Variants in SCFD1 observed in about 807,000 individuals in gnomAD.
SCFD1 encodes sec1 family domain containing 1, also known as sec1 family domain-containing protein 1.
In SCFD1, 37 loss-of-function variants were observed where a neutral mutation model predicts 103.2. That is an observed-to-expected ratio of 0.36 (90% CI 0.28 to 0.47). The LOEUF (loss-of-function observed/expected upper bound fraction) is 0.47. Ranked by LOEUF, SCFD1 falls within the 20% of genes least tolerant of loss-of-function variation. The pLI, the probability that SCFD1 is intolerant of heterozygous loss-of-function variation, is 1.00. For missense variants in SCFD1, 639 were observed against 761.2 expected, an observed-to-expected ratio of 0.84 and a Z score of 1.89; for synonymous variants, 264 against 245.0, an observed-to-expected ratio of 1.08 and a Z score of -0.73.
At chr14:30,722,468 T>G (rs199574724) in intron 22 of SCFD1, 26 bp from the exon 23 acceptor site, 28 of 1,549,584 alleles carry the variant, frequency 1.8e-5, no homozygotes, top group Non-Finnish European at 2.2e-5. Context: ...CTGTGTTTTT[T>G]TTTTTTTAAT....
At chr14:30,634,793 A>G (rs1258078979) in intron 4 of SCFD1, 4 of 455,852 alleles carry the variant, frequency 8.8e-6, no homozygotes, top group Non-Finnish European at 1.3e-5. Flanking sequence ...CTGCGCCTGT[A>G]GGCATCAAAT....
intron 10 of SCFD1, among the ~76,000 whole-genome samples, chr14:30,656,960 A>G (rs1040870450): frequency 2.0e-5 from 3 of 152,128 alleles, no homozygotes; most frequent in Admixed American, 6.5e-5. Flanking sequence ...AGAGTTGTAC[A>G]GGGATTAATG....
At chr14:30,672,031 A>T (rs77711476) in intron 11 of SCFD1, among the ~76,000 whole-genome samples, 2 of 149,234 alleles carry the variant, frequency 1.3e-5, no homozygotes, top group Admixed American at 1.3e-4. Context: ...AAAAAAAAGA[A>T]AGAAAAGATA....
chr14:30,735,165 T>C, intron 24 of SCFD1: 1 of 312,090 alleles, frequency 3.2e-6, no homozygotes. Flanking sequence ...TCTCTTTATA[T>C]TGTCACAAAG....
At chr14:30,715,219 G>A (rs1892191716) in intron 19 of SCFD1, 1 of 152,052 alleles carries the variant, frequency 6.6e-6, no homozygotes, top group Non-Finnish European at 1.5e-5. Flanking sequence ...ACGTTTTCAC[G>A]AACTTTAAAA....
At chr14:30,722,618 G>T in intron 23 of SCFD1, 59 bp downstream of exon 23, 1 of 1,043,740 alleles carries the variant, frequency 9.6e-7, no homozygotes, top group Non-Finnish European at 1.4e-6. Context: ...TAGAACACTA[G>T]CATACTCTGA....
chr14:30,651,208 C>A, intron 9 of SCFD1, among the ~76,000 whole-genome samples: 1 of 152,042 alleles, frequency 6.6e-6, no homozygotes. Context: ...ACTCAAATGG[C>A]TGAGAATTGT....
At position 30,679,442 on chromosome 14, in the gene SCFD1, C is replaced by T. The variant is rs528323897; in HGVS notation, c.1242+4377C>T. 2.6e-4 allele frequency among the ~76,000 whole-genome samples: 40 copies of T among 152,138 alleles called. 1 individual carries two copies. The highest frequency in any genetic ancestry group is 6.5e-4 in the Admixed American group (10 of 15,278). ...AAGCCTCAGAAAATACTGTATTTTA[C>T]GGAAATTGCTTTGCAATGTCTCTAA... On this transcript the variant is annotated intron_variant, in intron 14 of 24. Coordinates refer to ENST00000458591, the MANE Select transcript of SCFD1 (RefSeq NM_016106.4).
At chr14:30,634,342 C>T (rs1450097105) in intron 4 of SCFD1, among the ~76,000 whole-genome samples, 1 of 152,032 alleles carries the variant, frequency 6.6e-6, no homozygotes, top group Non-Finnish European at 1.5e-5. Context: ...ACTTTCATTA[C>T]AGAATATATT....
intron 14 of SCFD1, among the ~76,000 whole-genome samples, chr14:30,681,186 A>C (rs903932229): frequency 6.7e-6 from 1 of 149,818 alleles, no homozygotes; most frequent in African/African-American, 2.5e-5. Flanking sequence ...GTGCTATTGC[A>C]CTCCAGCCTG....
At chr14:30,706,274 TATTTATCC>T (rs954473447) in intron 18 of SCFD1, among the ~76,000 whole-genome samples, 3 of 152,216 alleles carry the variant, frequency 2.0e-5, no homozygotes, top group African/African-American at 4.8e-5. Context: ...GTATCATCCC[TATTTATCC>T]ATTTATCCAT....
At chr14:30,648,060 A>G (rs1886021959) in intron 7 of SCFD1, among the ~76,000 whole-genome samples, 1 of 152,170 alleles carries the variant, frequency 6.6e-6, no homozygotes, top group Non-Finnish European at 1.5e-5. Flanking sequence ...CAGTATATAT[A>G]CTATCGTATT....
chr14:30,711,918 C>T (rs1594749241), intron 19 of SCFD1, among the ~76,000 whole-genome samples: 1 of 151,968 alleles, frequency 6.6e-6, no homozygotes, highest in East Asian at 1.9e-4. Flanking sequence ...CGAGTTAATA[C>T]TTGTGGAAGC....
intron 14 of SCFD1, among the ~76,000 whole-genome samples, chr14:30,683,880 T>C (rs780826026): frequency 1.3e-5 from 2 of 152,226 alleles, no homozygotes; most frequent in East Asian, 1.9e-4. Flanking sequence ...TGAATGGTTA[T>C]TGGGGATAGA....
intron 10 of SCFD1, among the ~76,000 whole-genome samples, chr14:30,654,547 G>C (rs747504315): frequency 2.0e-5 from 3 of 152,134 alleles, no homozygotes; most frequent in African/African-American, 7.2e-5. Flanking sequence ...GGTGGCACAC[G>C]CCTGTAATCC....
chr14:30,728,409 T>C (rs976966282), intron 23 of SCFD1, among the ~76,000 whole-genome samples: 1 of 152,342 alleles, frequency 6.6e-6, no homozygotes, highest in Admixed American at 6.5e-5. Flanking sequence ...GAGGTCTAAA[T>C]TGAAATTGTT....
intron 23 of SCFD1, chr14:30,722,807 C>CT (rs779401162): frequency 3.9e-5 from 10 of 258,702 alleles, no homozygotes; most frequent in Non-Finnish European, 7.2e-5. Flanking sequence ...AGCTACCTGT[C>CT]TTAATATAAC....
intron 14 of SCFD1, among the ~76,000 whole-genome samples, chr14:30,675,922 A>G (rs918583148): frequency 1.3e-5 from 2 of 152,200 alleles, no homozygotes; most frequent in African/African-American, 4.8e-5. Context: ...CATAATTACT[A>G]TTACGCCAAC....
chr14:30,645,308 G>A (rs1292225458), intron 7 of SCFD1, among the ~76,000 whole-genome samples: 1 of 152,088 alleles, frequency 6.6e-6, no homozygotes, highest in Admixed American at 6.5e-5. Flanking sequence ...GATTTGCTTT[G>A]GCTATTCAGG....
Sources: gnomAD v4.1 joint callset for allele counts (sites outside exome capture counted in the v4.1 genomes callset) on GRCh38, gnomAD v4.1.1 for gene constraint, MANE v1.5 for transcripts, NCBI Gene and HGNC (gene_info 2026-07-23, HGNC 2026-07-21) for gene names.